Variants in HSDL2 observed in about 807,000 individuals in gnomAD.
HSDL2 encodes the protein hydroxysteroid dehydrogenase like 2.
In HSDL2, 27 loss-of-function variants were observed where a neutral mutation model predicts 46.3. The ratio of observed to expected loss-of-function variants is 0.58; its 90% CI spans 0.43 to 0.80. The LOEUF (loss-of-function observed/expected upper bound fraction) is 0.80, where lower values mean the gene tolerates loss of function less well. Among genes scored for constraint, HSDL2 ranks in the 30% least tolerant of loss-of-function variants. The pLI, the probability that HSDL2 is intolerant of heterozygous loss-of-function variation, is 0.00. For missense variants in HSDL2, 451 were observed against 502.7 expected, an observed-to-expected ratio of 0.90 and a Z score of 0.98; for synonymous variants, 153 against 163.6, an observed-to-expected ratio of 0.94 and a Z score of 0.50.
intron 8 of HSDL2, among the ~76,000 whole-genome samples, chr9:112,443,861 G>T (rs1223271381): frequency 6.6e-6 from 1 of 152,230 alleles, no homozygotes; most frequent in Non-Finnish European, 1.5e-5. Flanking sequence ...GGATATAATT[G>T]TGCATGAAAC....
intron 10 of HSDL2, among the ~76,000 whole-genome samples, chr9:112,463,918 C>T (rs1394822388): frequency 6.6e-6 from 1 of 152,108 alleles, no homozygotes; most frequent in Non-Finnish European, 1.5e-5. Flanking sequence ...ACCTCAGCCT[C>T]CCAAAGTGCT....
chr9:112,417,386 AG>A (rs1232777346), intron 5 of HSDL2, among the ~76,000 whole-genome samples: 2 of 149,502 alleles, frequency 1.3e-5, no homozygotes, highest in African/African-American at 4.9e-5. Context: ...CTGAGGTGGG[AG>A]GATCGCTTGA....
At chr9:112,456,557 T>G (rs1833030560) in intron 9 of HSDL2, among the ~76,000 whole-genome samples, 1 of 152,146 alleles carries the variant, frequency 6.6e-6, no homozygotes, top group Admixed American at 6.5e-5. Context: ...TTAAGCAATG[T>G]TCTTCAGGTC....
chr9:112,396,232 T>C (rs1308667131), intron 1 of HSDL2, among the ~76,000 whole-genome samples: 1 of 152,200 alleles, frequency 6.6e-6, no homozygotes, highest in Non-Finnish European at 1.5e-5. Context: ...TCAGGGCTAG[T>C]GCAAGGCAAG....
intron 4 of HSDL2, among the ~76,000 whole-genome samples, chr9:112,415,539 C>T (rs1831971588): frequency 6.6e-6 from 1 of 152,140 alleles, no homozygotes; most frequent in Non-Finnish European, 1.5e-5. Flanking sequence ...CTTGAACACT[C>T]ATGTTATTTA....
intron 9 of HSDL2, among the ~76,000 whole-genome samples, chr9:112,458,833 T>C (rs7866788): frequency 6.6e-6 from 1 of 151,412 alleles, no homozygotes; most frequent in African/African-American, 2.4e-5. Context: ...TACAAAAAAT[T>C]AGCTGGGTGT....
At chr9:112,383,956 C>A (rs756301161) in intron 1 of HSDL2, among the ~76,000 whole-genome samples, 3 of 152,186 alleles carry the variant, frequency 2.0e-5, no homozygotes, top group African/African-American at 7.2e-5. Flanking sequence ...CCTGCCTCAG[C>A]CCCCGAAGTG....
At chr9:112,380,287 A>T (rs1393892124) in intron 1 of HSDL2, 107 bp downstream of exon 1, 50 of 1,083,850 alleles carry the variant, frequency 4.6e-5, no homozygotes, top group Non-Finnish European at 5.9e-5. Context: ...GTGGGAGGTC[A>T]AGGATACTGC....
At chr9:112,464,749 A>C (rs1235205753) in intron 10 of HSDL2, among the ~76,000 whole-genome samples, 1 of 152,216 alleles carries the variant, frequency 6.6e-6, no homozygotes, top group African/African-American at 2.4e-5. Flanking sequence ...TGTAAAATTC[A>C]TCTGTTGCTT....
chr9:112,408,861 G>T (rs1405001269), intron 3 of HSDL2, 46 bp from the exon 4 acceptor site: 4 of 1,036,086 alleles, frequency 3.9e-6, no homozygotes, highest in Admixed American at 4.0e-5. Flanking sequence ...TTTTGTGTGT[G>T]ATAAAAAGTC....
At chr9:112,380,702 C>T (rs930869066) in intron 1 of HSDL2, among the ~76,000 whole-genome samples, 1 of 151,960 alleles carries the variant, frequency 6.6e-6, no homozygotes, top group Non-Finnish European at 1.5e-5. Context: ...AAAATACGTA[C>T]AAAATCTGCC....
At chr9:112,455,713 G>A (rs181328753) in intron 9 of HSDL2, among the ~76,000 whole-genome samples, 85 of 152,298 alleles carry the variant, frequency 5.6e-4, no homozygotes, top group African/African-American at 1.9e-3. Flanking sequence ...CTTTCTCAGT[G>A]TTCCTGAAAT....
chr9:112,389,193 A>AT (rs1443875475), intron 1 of HSDL2, among the ~76,000 whole-genome samples: 1 of 151,994 alleles, frequency 6.6e-6, no homozygotes, highest in African/African-American at 2.4e-5. Flanking sequence ...CACATGGCTA[A>AT]TTTTTTAATT....
chr9:112,396,164 A>ACC (rs2132608227), intron 1 of HSDL2, among the ~76,000 whole-genome samples: 1 of 152,230 alleles, frequency 6.6e-6, no homozygotes, highest in African/African-American at 2.4e-5. Flanking sequence ...GCAAATCTCT[A>ACC]CCCCAAAGAT....
At chr9:112,460,155 A>C (rs1833160204) in intron 10 of HSDL2, among the ~76,000 whole-genome samples, 1 of 152,218 alleles carries the variant, frequency 6.6e-6, no homozygotes, top group South Asian at 2.1e-4. Context: ...CCAAATGATA[A>C]GTTAATTAAC....
At chr9:112,402,649 G>A (rs187520030) in intron 1 of HSDL2, among the ~76,000 whole-genome samples, 42 of 152,222 alleles carry the variant, frequency 2.8e-4, no homozygotes, top group Admixed American at 4.6e-4. Flanking sequence ...CTAGCCGGGC[G>A]CGGTGGCTCA....
At chr9:112,427,997 A>C (rs1210483904) in intron 6 of HSDL2, among the ~76,000 whole-genome samples, 1 of 152,170 alleles carries the variant, frequency 6.6e-6, no homozygotes, top group African/African-American at 2.4e-5. Flanking sequence ...CCCTGGTGGT[A>C]CTCTTGAACT....
At chr9:112,429,820 G>T (rs1004467364) in intron 6 of HSDL2, among the ~76,000 whole-genome samples, 3 of 152,194 alleles carry the variant, frequency 2.0e-5, no homozygotes, top group Admixed American at 6.5e-5. Flanking sequence ...GGCCAGGAGT[G>T]TTGGCTCCTG....
intron 8 of HSDL2, among the ~76,000 whole-genome samples, chr9:112,447,640 A>G (rs1832782970): frequency 6.6e-6 from 1 of 152,014 alleles, no homozygotes; most frequent in African/African-American, 2.4e-5. Flanking sequence ...TGCTTGGTCA[A>G]CTTCTGGTGA....
Sources: gnomAD v4.1 joint callset for allele counts (sites outside exome capture counted in the v4.1 genomes callset) on GRCh38, gnomAD v4.1.1 for gene constraint, MANE v1.5 for transcripts, NCBI Gene and HGNC (gene_info 2026-07-23, HGNC 2026-07-21) for gene names.